TMEM232: variants seen among roughly 807,000 people sequenced by gnomAD.
TMEM232 encodes transmembrane protein 232.
A neutral mutation model predicts 78.8 loss-of-function variants in TMEM232; 80 were observed. That is an observed-to-expected ratio of 1.01 (90% CI 0.85 to 1.22). The LOEUF (loss-of-function observed/expected upper bound fraction) is 1.22, where lower values mean the gene tolerates loss of function less well. TMEM232 is among the 50% of genes most tolerant of loss of function. The pLI, the probability that TMEM232 is intolerant of heterozygous loss-of-function variation, is 0.00. For synonymous variants in TMEM232, 297 were observed against 254.3 expected, an observed-to-expected ratio of 1.17 and a Z score of -1.60; for missense variants, 881 against 742.2, an observed-to-expected ratio of 1.19 and a Z score of -2.17.
chr5:110,712,978 G>C (rs1277652577), intron 1 of TMEM232, among the ~76,000 whole-genome samples: 2 of 152,134 alleles, frequency 1.3e-5, no homozygotes, highest in Admixed American at 1.3e-4. Context: ...TTATAACACT[G>C]TCCACAAAGC....
At chr5:110,589,534 G>A (rs890954058) in intron 10 of TMEM232, among the ~76,000 whole-genome samples, 5 of 152,144 alleles carry the variant, frequency 3.3e-5, no homozygotes, top group African/African-American at 1.2e-4. Context: ...AGTATAGGGA[G>A]GCAGTTATTA....
chr5:110,728,865 T>TA (rs1554088602), upstream of TMEM232, among the ~76,000 whole-genome samples: 35 of 149,402 alleles, frequency 2.3e-4, no homozygotes, highest in South Asian at 8.5e-4. Context: ...TTTTTTTTTT[T>TA]ACCAGTCTTT....
rs963685423 is a variant in TMEM232, at chr5:110,714,296, C to G, written c.-13+12331G>C. ...CATCTCCCTCCAGAGACTAGGACAC[C>G]TATATGCTCATTAACCCTATATACA... On this transcript the variant is annotated intron_variant, in intron 1 of 13. Coordinates refer to ENST00000455884, the MANE Select transcript of TMEM232 (RefSeq NM_001039763.4). Among the ~76,000 whole-genome samples the G allele has an allele frequency of 3.9e-5, 6 of 152,276 alleles. No individual in the cohort carries two copies. In the South Asian group the frequency reaches 6.2e-4, roughly 16 times the overall value.
chr5:110,427,874 G>T (rs186371818), intron 12 of TMEM232, among the ~76,000 whole-genome samples: 10 of 151,770 alleles, frequency 6.6e-5, no homozygotes, highest in Admixed American at 5.3e-4. Context: ...TACACAGTAG[G>T]TGTATATATT....
chr5:110,679,770 G>A (rs1792486391), intron 1 of TMEM232, among the ~76,000 whole-genome samples: 1 of 151,660 alleles, frequency 6.6e-6, no homozygotes, highest in Non-Finnish European at 1.5e-5. Context: ...ATATAATTTT[G>A]CAATTGTTTT....
chr5:110,451,031 G>T (rs1345759295), intron 12 of TMEM232, among the ~76,000 whole-genome samples: 1 of 152,130 alleles, frequency 6.6e-6, no homozygotes, highest in Admixed American at 6.6e-5. Flanking sequence ...GTGACTAAAT[G>T]ACCACATGGT....
At chr5:110,452,428 T>C (rs1760408950) in intron 12 of TMEM232, among the ~76,000 whole-genome samples, 1 of 152,180 alleles carries the variant, frequency 6.6e-6, no homozygotes, top group South Asian at 2.1e-4. Context: ...ATTGATTTTG[T>C]AGCATGTGAA....
intron 13 of TMEM232, among the ~76,000 whole-genome samples, chr5:110,423,735 C>CTGTT (rs1756923087): frequency 6.6e-6 from 1 of 151,790 alleles, no homozygotes; most frequent in Non-Finnish European, 1.5e-5. Context: ...ATACTCTCCT[C>CTGTT]TGTTTCTTTA....
intron 10 of TMEM232, among the ~76,000 whole-genome samples, chr5:110,593,172 C>A (rs1469343121): frequency 2.0e-5 from 3 of 152,090 alleles, no homozygotes; most frequent in African/African-American, 7.2e-5. Flanking sequence ...AGAAAGCTCA[C>A]ATAATACCAA....
chr5:110,499,169 G>A (rs974666893), intron 12 of TMEM232, among the ~76,000 whole-genome samples: 2 of 152,104 alleles, frequency 1.3e-5, no homozygotes, highest in Non-Finnish European at 2.9e-5. Flanking sequence ...ATGAAGAGAT[G>A]CAACACATAG....
intron 1 of TMEM232, among the ~76,000 whole-genome samples, chr5:110,735,605 T>A (rs1313602545): frequency 2.6e-5 from 4 of 152,098 alleles, no homozygotes; most frequent in Admixed American, 2.0e-4. Flanking sequence ...AAAGATAGAG[T>A]CAAATCCTCT....
intron 1 of TMEM232, among the ~76,000 whole-genome samples, chr5:110,693,648 G>A (rs141345758): frequency 0.024 from 3,689 of 152,248 alleles, 47 homozygotes; most frequent in African/African-American, 0.032. Flanking sequence ...CAACAACTAC[G>A]TGACGAATCC....
At chr5:110,460,292 AGTGTGT>A (rs112235101) in intron 12 of TMEM232, among the ~76,000 whole-genome samples, 13 of 149,398 alleles carry the variant, frequency 8.7e-5, no homozygotes, top group South Asian at 2.1e-4. Flanking sequence ...TGTATAAGTA[AGTGTGT>A]GTGTGTGTGT....
chr5:110,468,935 A>T (rs915390844), intron 12 of TMEM232, among the ~76,000 whole-genome samples: 11 of 152,220 alleles, frequency 7.2e-5, no homozygotes, highest in African/African-American at 2.7e-4. Context: ...AACATAGAGA[A>T]CAAAAGAAAA....
chr5:110,390,996 C>T (rs1451760802), intron 3 of TMEM232, among the ~76,000 whole-genome samples: 2 of 152,176 alleles, frequency 1.3e-5, no homozygotes, highest in African/African-American at 4.8e-5. Flanking sequence ...GGAGTTAGAA[C>T]CAGTGGGGTT....
chr5:110,388,414 A>T (rs540826944), intron 4 of TMEM232, among the ~76,000 whole-genome samples: 1 of 152,306 alleles, frequency 6.6e-6, no homozygotes, highest in African/African-American at 2.4e-5. Context: ...ATTCGCCTGT[A>T]CAAGCTTCCA....
chr5:110,482,027 A>T (rs1763925088), intron 12 of TMEM232, among the ~76,000 whole-genome samples: 1 of 152,180 alleles, frequency 6.6e-6, no homozygotes, highest in African/African-American at 2.4e-5. Context: ...AATTTTTTTA[A>T]TTAAAAGGTA....
chr5:110,654,487 C>T (rs1267166611), intron 2 of TMEM232, among the ~76,000 whole-genome samples: 2 of 152,114 alleles, frequency 1.3e-5, no homozygotes, highest in Admixed American at 6.6e-5. Context: ...TCTGAGGGCT[C>T]TGTTCTATTC....
chr5:110,461,966 A>C (rs1158279927), intron 12 of TMEM232, among the ~76,000 whole-genome samples: 1 of 152,208 alleles, frequency 6.6e-6, no homozygotes, highest in Non-Finnish European at 1.5e-5. Flanking sequence ...GAGATGTACA[A>C]GGAGATTAAT....
Sources: gnomAD v4.1 joint callset for allele counts (sites outside exome capture counted in the v4.1 genomes callset) on GRCh38, gnomAD v4.1.1 for gene constraint, MANE v1.5 for transcripts, NCBI Gene and HGNC (gene_info 2026-07-23, HGNC 2026-07-21) for gene names.